The following FILIP1L variants were observed in gnomAD, a reference collection of about 807,000 sequenced individuals.
FILIP1L encodes filamin A interacting protein 1 like, also known as filamin A-interacting protein 1-like.
Under a neutral mutation model 96.6 loss-of-function variants are expected in FILIP1L, and 55 were observed. The observed-to-expected ratio is 0.57, with a 90% CI of 0.46 to 0.71. The LOEUF (loss-of-function observed/expected upper bound fraction) is 0.71, where lower values mean the gene tolerates loss of function less well. FILIP1L is among the 30% of genes least tolerant of loss of function. The pLI is 0.00. For missense variants in FILIP1L, 1,304 were observed against 1,321.2 expected, an observed-to-expected ratio of 0.99 and a Z score of 0.20; for synonymous variants, 467 against 473.9, an observed-to-expected ratio of 0.99 and a Z score of 0.19.
chr3:99,882,719 G>T (rs1471667991), intron 4 of FILIP1L, among the ~76,000 whole-genome samples: 1 of 152,102 alleles, frequency 6.6e-6, no homozygotes, highest in African/African-American at 2.4e-5. Flanking sequence ...TGAAAAAATG[G>T]CACAAACAGT....
intron 1 of FILIP1L, among the ~76,000 whole-genome samples, chr3:100,113,445 A>G (rs1176400649): frequency 2.0e-5 from 3 of 152,166 alleles, no homozygotes; most frequent in Admixed American, 2.0e-4. Flanking sequence ...CCTGCCAAAA[A>G]CCTTATCTCA....
chr3:100,083,566 G>A (rs2065963122), intron 1 of FILIP1L, among the ~76,000 whole-genome samples: 1 of 152,178 alleles, frequency 6.6e-6, no homozygotes, highest in Non-Finnish European at 1.5e-5. Flanking sequence ...GCCATGAAAA[G>A]CAAATGATTT....
chr3:99,925,652 G>A (rs62283533), intron 3 of FILIP1L, among the ~76,000 whole-genome samples: 4,303 of 152,254 alleles, frequency 0.028, 76 homozygotes, highest in Non-Finnish European at 0.045. Context: ...GGGCTTATAC[G>A]TGGATGCTAA....
intron 1 of FILIP1L, among the ~76,000 whole-genome samples, chr3:99,953,295 A>T (rs1198643847): frequency 1.3e-5 from 2 of 152,072 alleles, no homozygotes; most frequent in African/African-American, 4.8e-5. Context: ...CTTCTACCCT[A>T]TGTCTAGTTT....
chr3:100,067,166 C>T (rs1378567365), intron 1 of FILIP1L, among the ~76,000 whole-genome samples: 1 of 150,866 alleles, frequency 6.6e-6, no homozygotes, highest in Non-Finnish European at 1.5e-5. Context: ...TTTTTGATCT[C>T]GTTTGTTTGT....
intron 5 of FILIP1L, chr3:99,833,355 C>T (rs1350876477): frequency 9.3e-7 from 1 of 1,074,642 alleles, no homozygotes; most frequent in South Asian, 1.4e-5. Context: ...TCAAAAGAAA[C>T]CTAGCAATCT....
chr3:99,848,040 C>T, intron 5 of FILIP1L: 6 of 1,221,894 alleles, frequency 4.9e-6, no homozygotes, highest in Non-Finnish European at 6.1e-6. Flanking sequence ...TGTATTTATA[C>T]AAGTGCAGAC....
intron 1 of FILIP1L, among the ~76,000 whole-genome samples, chr3:99,955,616 T>C (rs1489810023): frequency 6.6e-6 from 1 of 152,166 alleles, no homozygotes; most frequent in East Asian, 1.9e-4. Flanking sequence ...AAAAAATTAA[T>C]CATATTTTCC....
rs183302157 is a variant in FILIP1L, at chr3:99,976,128, G to T, written c.-10-45098C>A. Among the ~76,000 whole-genome samples, 12 of 151,900 alleles carry T rather than the reference G, an allele frequency of 7.9e-5. No individual in the cohort carries two copies. The East Asian group carries it at 2.3e-3, about 29-fold the overall frequency. On this transcript the variant is annotated intron_variant, in intron 1 of 5. Transcript: ENST00000477258. ...TCGAACTTTTGACCTCAGGTGGTTC[G>T]CCCGCCTCAGCCTCCCAAAGTACTC...
intron 1 of FILIP1L, among the ~76,000 whole-genome samples, chr3:100,056,540 G>A (rs1474979602): frequency 1.3e-5 from 2 of 152,116 alleles, no homozygotes; most frequent in East Asian, 1.9e-4. Context: ...TAGCCTCCAG[G>A]TCAGAAATGC....
chr3:100,089,309 C>CTAA (rs149972203), intron 1 of FILIP1L, among the ~76,000 whole-genome samples: 1,785 of 152,288 alleles, frequency 0.012, 21 homozygotes, highest in African/African-American at 0.026. Flanking sequence ...GTTGCATTTT[C>CTAA]TATTACTACA....
chr3:99,899,986 C>A (rs377442558), intron 4 of FILIP1L, among the ~76,000 whole-genome samples: 1 of 152,044 alleles, frequency 6.6e-6, no homozygotes, highest in African/African-American at 2.4e-5. Flanking sequence ...TCTTTGAAAT[C>A]GTATAATTCT....
intron 1 of FILIP1L, among the ~76,000 whole-genome samples, chr3:100,042,718 T>C (rs944796955): frequency 5.9e-5 from 9 of 152,218 alleles, no homozygotes; most frequent in African/African-American, 2.2e-4. Context: ...TTCTTTTCTT[T>C]TGCCACATAG....
intron 1 of FILIP1L, among the ~76,000 whole-genome samples, chr3:99,982,251 T>A (rs1203548911): frequency 3.3e-5 from 5 of 152,210 alleles, no homozygotes; most frequent in African/African-American, 1.2e-4. Flanking sequence ...TTTATGCCTG[T>A]CATGCTTATA....
At chr3:99,993,769 A>G (rs1169377749) in intron 1 of FILIP1L, among the ~76,000 whole-genome samples, 1 of 152,196 alleles carries the variant, frequency 6.6e-6, no homozygotes, top group East Asian at 1.9e-4. Context: ...GATGTGACAT[A>G]TCATGTTTAT....
At chr3:99,861,424 A>G (rs793441) in intron 4 of FILIP1L, among the ~76,000 whole-genome samples, 151,902 of 152,314 alleles carry the variant, frequency 1, 75,747 homozygotes, top group Middle Eastern at 1. Context: ...AGTGCCTCCT[A>G]GTTCATGGCA....
At chr3:99,960,186 A>G (rs900131286) in intron 1 of FILIP1L, among the ~76,000 whole-genome samples, 1 of 152,144 alleles carries the variant, frequency 6.6e-6, no homozygotes, top group Non-Finnish European at 1.5e-5. Context: ...TCTCTCCAAG[A>G]TGTTTGACAT....
At chr3:100,104,465 T>C (rs1439258278) in intron 1 of FILIP1L, among the ~76,000 whole-genome samples, 1 of 152,208 alleles carries the variant, frequency 6.6e-6, no homozygotes, top group African/African-American at 2.4e-5. Context: ...TGGTTACCAT[T>C]TTATAAACTT....
Position 99,848,474 on chromosome 3 carries a change from T to G in FILIP1L, c.3202A>C (p.Ser1068Arg), listed in dbSNP as rs201557511. ...CTGGCTACAGCTTGCATGTAAGGAC[T>G]TCCTAAGTGAATGTGGATTTTATTA... is the stretch of plus-strand genomic sequence containing the variant. ...EDNKIHIHLG[S>R]PYMQAVASPV... Residue 1068 changes from serine (S) to arginine (R), a missense_variant, in exon 5 of 6, where the codon AGT (serine) becomes CGT (arginine). Physicochemically the swap from Ser to Arg is moderately radical, Grantham distance 110. Transcript: ENST00000477258. The G allele has an allele frequency of 6.2e-7, 1 of 1,614,186 alleles. No homozygotes were observed. Among genetic ancestry groups the G allele is most frequent in the South Asian group, 1.1e-5 (1 of 91,086 alleles).
Sources: allele counts gnomAD v4.1 joint callset (sites outside exome capture counted in the v4.1 genomes callset), GRCh38; gene constraint gnomAD v4.1.1; transcripts MANE v1.5; gene names NCBI Gene and HGNC (gene_info 2026-07-23, HGNC 2026-07-21).